The following CDH20 variants were observed in gnomAD, a reference collection of about 807,000 sequenced individuals.
CDH20 encodes cadherin-20.
CDH20 carries 29 observed loss-of-function variants against 74.2 expected under a neutral mutation model. That is an observed-to-expected ratio of 0.39 (90% CI 0.29 to 0.53). CDH20 has a LOEUF of 0.53. Among genes scored for constraint, CDH20 ranks in the 20% least tolerant of loss-of-function variants. The probability of loss-of-function intolerance (pLI) is 0.69; values close to 1 mark genes in which losing one functional copy is unlikely to be tolerated. For missense variants in CDH20, 988 were observed against 1,048.3 expected, an observed-to-expected ratio of 0.94 and a Z score of 0.79; for synonymous variants, 469 against 405.4, an observed-to-expected ratio of 1.16 and a Z score of -1.88.
intron 7 of CDH20, among the ~76,000 whole-genome samples, chr18:61,531,793 T>G (rs1208745451): frequency 6.6e-6 from 1 of 152,142 alleles, no homozygotes; most frequent in Non-Finnish European, 1.5e-5. Context: ...CGAGATCTGA[T>G]GGTTTTAAAA....
At chr18:61,481,527 G>A (rs1252498713) in intron 1 of CDH20, among the ~76,000 whole-genome samples, 2 of 152,044 alleles carry the variant, frequency 1.3e-5, no homozygotes, top group Admixed American at 6.6e-5. Flanking sequence ...TAGAAGACAA[G>A]GTTTTACTTT....
chr18:61,430,307 T>A (rs563933944), intron 1 of CDH20, among the ~76,000 whole-genome samples: 91 of 152,220 alleles, frequency 6.0e-4, no homozygotes, highest in African/African-American at 2.2e-3. Flanking sequence ...TAACTACTAG[T>A]CAGTTGATTT....
chr18:61,386,551 T>C (rs1911606162), intron 1 of CDH20, among the ~76,000 whole-genome samples: 2 of 152,320 alleles, frequency 1.3e-5, no homozygotes, highest in South Asian at 4.1e-4. Flanking sequence ...CCCTTTGGTG[T>C]AATAATTCCT....
At chr18:61,543,306 G>A (rs1011782443) in intron 9 of CDH20, among the ~76,000 whole-genome samples, 4 of 152,170 alleles carry the variant, frequency 2.6e-5, no homozygotes, top group Admixed American at 2.0e-4. Context: ...TTCCTATGGT[G>A]GTAGAAGCAC....
At chr18:61,461,850 C>T (rs910167588) in intron 1 of CDH20, among the ~76,000 whole-genome samples, 4 of 152,108 alleles carry the variant, frequency 2.6e-5, no homozygotes, top group African/African-American at 9.7e-5. Context: ...CTCAATCAGA[C>T]GCTGAAGTGA....
chr18:61,523,386 G>C (rs186169936), intron 6 of CDH20, among the ~76,000 whole-genome samples: 1 of 152,330 alleles, frequency 6.6e-6, no homozygotes, highest in East Asian at 1.9e-4. Flanking sequence ...ATGCCAGTTA[G>C]AATGGTGATC....
chr18:61,351,377 C>T (rs1181955535), intron 1 of CDH20, among the ~76,000 whole-genome samples: 2 of 152,170 alleles, frequency 1.3e-5, no homozygotes, highest in African/African-American at 2.4e-5. Flanking sequence ...AAATCATGCT[C>T]TTGCCTCTCC....
intron 9 of CDH20, among the ~76,000 whole-genome samples, chr18:61,542,363 G>A (rs1332522538): frequency 6.6e-6 from 1 of 152,168 alleles, no homozygotes; most frequent in African/African-American, 2.4e-5. Context: ...TCTCCAGGAG[G>A]CATACCCTGA....
At chr18:61,346,042 C>T (rs1910106408) in intron 1 of CDH20, among the ~76,000 whole-genome samples, 4 of 152,194 alleles carry the variant, frequency 2.6e-5, no homozygotes, top group Admixed American at 2.6e-4. Context: ...GTCATTATGG[C>T]ATCCATCTCT....
intron 6 of CDH20, among the ~76,000 whole-genome samples, chr18:61,510,868 T>C (rs1434186323): frequency 1.3e-5 from 2 of 152,204 alleles, no homozygotes; most frequent in African/African-American, 4.8e-5. Flanking sequence ...TCCCCTACTA[T>C]GTGGCATGCC....
intron 1 of CDH20, among the ~76,000 whole-genome samples, chr18:61,430,781 T>G (rs1441076980): frequency 3.9e-5 from 6 of 152,192 alleles, no homozygotes; most frequent in African/African-American, 1.4e-4. Context: ...CCCTTTGACA[T>G]GCCATCATTT....
In CDH20 at chr18:61,540,795, G is replaced by A. The variant is rs540809528; in HGVS notation, c.1530+1650G>A. On this transcript the variant is annotated intron_variant, in intron 9 of 11. Transcript: ENST00000262717. ...GTCTGCATAACCAAAACTTATGTTA[G>A]CTCTCTGAACTCACCAAAGATGGAC... is the stretch of plus-strand genomic sequence containing the variant. Among the ~76,000 whole-genome samples, 31 of 152,240 alleles carry A rather than the reference G, an allele frequency of 2.0e-4. No homozygotes were observed. The South Asian group carries it at 5.6e-3, about 28-fold the overall frequency.
At chr18:61,544,977 G>A (rs777258298) in intron 9 of CDH20, 50 bp from the exon 10 acceptor site, 1 of 1,245,920 alleles carries the variant, frequency 8.0e-7, no homozygotes, top group South Asian at 1.2e-5. Flanking sequence ...CTGGGCCCTG[G>A]TGCTTTTTCC....
At chr18:61,510,192 G>C (rs2144335270) in intron 6 of CDH20, among the ~76,000 whole-genome samples, 1 of 152,060 alleles carries the variant, frequency 6.6e-6, no homozygotes, top group African/African-American at 2.4e-5. Context: ...AAGGGACTGA[G>C]CATAGACAGA....
In CDH20 at chr18:61,453,650, T is replaced by C. The variant is rs114394458; in HGVS notation, c.-152-36752T>C. Among the ~76,000 whole-genome samples the C allele has an allele frequency of 7.6e-3, 1,155 of 152,346 alleles. 11 individuals carry two copies. Among genetic ancestry groups the C allele is most frequent in the African/African-American group, 0.025 (1,043 of 41,572 alleles). On this transcript the variant is annotated intron_variant, in intron 1 of 11. Transcript: ENST00000262717. ...GGCATTGCGTGTATCAATGACTTCC[T>C]TTATTGCTGAGTATTTTCTACTTTG...
intron 1 of CDH20, among the ~76,000 whole-genome samples, chr18:61,483,810 C>T (rs1006117245): frequency 3.9e-5 from 6 of 152,164 alleles, no homozygotes; most frequent in Non-Finnish European, 8.8e-5. Context: ...TCTATAATTA[C>T]CTCCAGTTTG....
At chr18:61,386,171 A>G (rs374717163) in intron 1 of CDH20, among the ~76,000 whole-genome samples, 33 of 152,298 alleles carry the variant, frequency 2.2e-4, no homozygotes, top group East Asian at 9.6e-4. Flanking sequence ...AGACTCTTAG[A>G]CACTTCCTAT....
At chr18:61,421,538 G>T (rs965149730) in intron 1 of CDH20, among the ~76,000 whole-genome samples, 9 of 152,102 alleles carry the variant, frequency 5.9e-5, no homozygotes, top group African/African-American at 2.2e-4. Flanking sequence ...GGATTTGTGG[G>T]TCTCTTACAA....
chr18:61,400,324 G>A (rs950826230), intron 1 of CDH20, among the ~76,000 whole-genome samples: 3 of 152,210 alleles, frequency 2.0e-5, no homozygotes, highest in Non-Finnish European at 4.4e-5. Flanking sequence ...GGTCTAGACA[G>A]AGCAAGGCAA....
Sources: gnomAD v4.1 joint callset for allele counts (sites outside exome capture counted in the v4.1 genomes callset) on GRCh38, gnomAD v4.1.1 for gene constraint, MANE v1.5 for transcripts, NCBI Gene and HGNC (gene_info 2026-07-23, HGNC 2026-07-21) for gene names.